Variants in PLS1 observed in about 807,000 individuals in gnomAD.
The protein encoded by PLS1 is plastin-1.
A neutral mutation model predicts 73.7 loss-of-function variants in PLS1; 32 were observed. That is an observed-to-expected ratio of 0.43 (90% CI 0.33 to 0.58). The LOEUF (loss-of-function observed/expected upper bound fraction) is 0.58, where lower values mean the gene tolerates loss of function less well. Among genes scored for constraint, PLS1 ranks in the 20% least tolerant of loss-of-function variants. The pLI is 0.04. For synonymous variants in PLS1, 217 were observed against 261.3 expected (o/e 0.83, Z 1.63); for missense variants, 633 against 740.5 (o/e 0.85, Z 1.68).
intron 1 of PLS1, among the ~76,000 whole-genome samples, chr3:142,638,151 A>C (rs576370017): frequency 1.5e-4 from 23 of 152,168 alleles, no homozygotes; most frequent in Non-Finnish European, 3.2e-4. Flanking sequence ...TAAGCATGCA[A>C]TCTCCTGAAA....
intron 6 of PLS1, among the ~76,000 whole-genome samples, chr3:142,680,324 C>G (rs2037821887): frequency 6.6e-6 from 1 of 152,120 alleles, no homozygotes; most frequent in Non-Finnish European, 1.5e-5. Flanking sequence ...TTCAGCCTCC[C>G]AAAGTGCTGG....
chr3:142,675,914 G>T (rs973974084), intron 4 of PLS1, among the ~76,000 whole-genome samples: 2 of 149,272 alleles, frequency 1.3e-5, no homozygotes, highest in African/African-American at 5.0e-5. Flanking sequence ...GACCTCAAGT[G>T]ATCAGCCCGC....
rs184879361 is a variant in PLS1, at chr3:142,640,162, A to T, written c.-36-24040A>T. ...ATCCTGCTAATATTATTTGAAATGT[A>T]TATTGTTTAAGTGGATATAAGCAAA... On this transcript the variant is annotated intron_variant, in intron 1 of 15. Transcript: ENST00000457734. Among the ~76,000 whole-genome samples, 16 of 152,334 alleles carry T rather than the reference A, an allele frequency of 1.1e-4. No individual in the cohort carries two copies. The East Asian group carries it at 2.9e-3, about 28-fold the overall frequency.
intron 6 of PLS1, 105 bp from the exon 7 acceptor site, chr3:142,683,901 T>G: frequency 1.3e-6 from 1 of 748,362 alleles, no homozygotes; most frequent in Non-Finnish European, 2.1e-6. Flanking sequence ...AATATTATGT[T>G]TATAAATCTG....
intron 14 of PLS1, among the ~76,000 whole-genome samples, chr3:142,709,400 T>TG (rs1390333178): frequency 6.6e-5 from 10 of 152,174 alleles, no homozygotes; most frequent in African/African-American, 2.4e-4. Flanking sequence ...CTCTTACCCC[T>TG]GCCCAGAGAT....
intron 12 of PLS1, among the ~76,000 whole-genome samples, chr3:142,699,384 G>T (rs566886256): frequency 6.6e-6 from 1 of 152,058 alleles, no homozygotes; most frequent in Non-Finnish European, 1.5e-5. Context: ...GCTTGAACCC[G>T]GGAGGCAGAG....
At chr3:142,600,055 A>G (rs1169854800) in intron 1 of PLS1, among the ~76,000 whole-genome samples, 3 of 152,096 alleles carry the variant, frequency 2.0e-5, no homozygotes, top group African/African-American at 7.2e-5. Context: ...GCCTCCCAAG[A>G]TTAATTTGAG....
intron 1 of PLS1, among the ~76,000 whole-genome samples, chr3:142,609,269 C>T (rs1685809191): frequency 6.6e-6 from 1 of 152,204 alleles, no homozygotes; most frequent in South Asian, 2.1e-4. Context: ...ATCTCCATTA[C>T]TGTCTTGCTC....
chr3:142,635,832 T>C (rs974347494), intron 1 of PLS1, among the ~76,000 whole-genome samples: 5 of 152,168 alleles, frequency 3.3e-5, no homozygotes, highest in Non-Finnish European at 5.9e-5. Context: ...GGAGAACTAG[T>C]GCTACCTGAT....
At chr3:142,676,070 T>C in intron 4 of PLS1, 87 bp from the exon 5 acceptor site, 1 of 980,890 alleles carries the variant, frequency 1.0e-6, no homozygotes, top group Non-Finnish European at 1.5e-6. Context: ...AACAAGTATG[T>C]TTTTGTAGTG....
At chr3:142,658,381 T>C (rs7615480) in intron 1 of PLS1, among the ~76,000 whole-genome samples, 6,704 of 150,644 alleles carry the variant, frequency 0.045, 494 homozygotes, top group African/African-American at 0.16. Context: ...GAGGCTGAGG[T>C]AGGAAAATTG....
At chr3:142,700,361 T>C (rs944441292) in intron 12 of PLS1, among the ~76,000 whole-genome samples, 3 of 152,042 alleles carry the variant, frequency 2.0e-5, no homozygotes, top group Non-Finnish European at 4.4e-5. Flanking sequence ...CTCGCTCTGT[T>C]GCCCAGGCTG....
intron 1 of PLS1, among the ~76,000 whole-genome samples, chr3:142,617,767 C>T (rs1218981851): frequency 1.3e-5 from 2 of 151,618 alleles, no homozygotes; most frequent in Non-Finnish European, 2.9e-5. Flanking sequence ...CACTTGAGGT[C>T]GGGAGTTTAA....
chr3:142,663,893 T>C (rs1577859334), intron 1 of PLS1, among the ~76,000 whole-genome samples: 3 of 152,242 alleles, frequency 2.0e-5, no homozygotes, highest in African/African-American at 7.2e-5. Flanking sequence ...TGAAATGCAA[T>C]GCTTATTTTC....
At chr3:142,622,985 TTGCCCAGAC>T (rs2036345378) in intron 1 of PLS1, among the ~76,000 whole-genome samples, 1 of 152,164 alleles carries the variant, frequency 6.6e-6, no homozygotes, top group Non-Finnish European at 1.5e-5. Flanking sequence ...TCTTGCTGTA[TTGCCCAGAC>T]TGGAGTGCAG....
At chr3:142,630,771 A>T (rs2036540233) in intron 1 of PLS1, among the ~76,000 whole-genome samples, 1 of 151,958 alleles carries the variant, frequency 6.6e-6, no homozygotes, top group Non-Finnish European at 1.5e-5. Context: ...AAAAAAGAAA[A>T]TCTCAAGCAA....
chr3:142,602,731 C>T (rs1462982221), intron 1 of PLS1, among the ~76,000 whole-genome samples: 1 of 152,150 alleles, frequency 6.6e-6, no homozygotes, highest in East Asian at 1.9e-4. Flanking sequence ...TGAGAGCGTG[C>T]TTCCCTCCCT....
intron 9 of PLS1, among the ~76,000 whole-genome samples, 159 bp from the exon 10 acceptor site, chr3:142,689,451 TAAATAAAG>T (rs1428565711): frequency 9.9e-5 from 15 of 151,744 alleles, no homozygotes; most frequent in African/African-American, 3.6e-4. Flanking sequence ...AATAAATAAA[TAAATAAAG>T]GAATGGGTAA....
intron 1 of PLS1, among the ~76,000 whole-genome samples, chr3:142,659,144 C>T (rs2037307036): frequency 6.6e-6 from 1 of 151,996 alleles, no homozygotes; most frequent in African/African-American, 2.4e-5. Flanking sequence ...AAATATTTGC[C>T]ATTATATTTC....
Sources: allele counts gnomAD v4.1 joint callset (sites outside exome capture counted in the v4.1 genomes callset), GRCh38; gene constraint gnomAD v4.1.1; transcripts MANE v1.5; gene names NCBI Gene and HGNC (gene_info 2026-07-23, HGNC 2026-07-21).